RPRD2: variants seen among roughly 807,000 people sequenced by gnomAD.
The protein encoded by RPRD2 is regulation of nuclear pre-mRNA domain containing 2, also known as regulation of nuclear pre-mRNA domain-containing protein 2.
In RPRD2, 12 loss-of-function variants were observed where a neutral mutation model predicts 104.4. That is an observed-to-expected ratio of 0.11 (90% CI 0.07 to 0.19). RPRD2 has a LOEUF of 0.19. Among genes scored for constraint, RPRD2 ranks in the 10% least tolerant of loss-of-function variants. The pLI is 1.00. For synonymous variants in RPRD2, 714 were observed against 684.9 expected, an observed-to-expected ratio of 1.04 and a Z score of -0.66; for missense variants, 1,543 against 1,790.1, an observed-to-expected ratio of 0.86 and a Z score of 2.49.
chr1:150,429,151 G>A (rs587674036), intron 2 of RPRD2, among the ~76,000 whole-genome samples: 1 of 150,556 alleles, frequency 6.6e-6, no homozygotes, highest in South Asian at 2.1e-4. Flanking sequence ...GGAGTGCAGT[G>A]GTGCGATCTC....
chr1:150,376,792 G>T (rs886436774), intron 1 of RPRD2, among the ~76,000 whole-genome samples: 8 of 150,776 alleles, frequency 5.3e-5, no homozygotes, highest in Admixed American at 1.3e-4. Flanking sequence ...GAGCCACCGC[G>T]CCCGGCCGAT....
At chr1:150,402,686 G>C (rs587678512) in intron 1 of RPRD2, among the ~76,000 whole-genome samples, 1 of 152,140 alleles carries the variant, frequency 6.6e-6, no homozygotes, top group South Asian at 2.1e-4. Flanking sequence ...CCCCGTTTCA[G>C]CCGGGCGCGG....
chr1:150,431,729 T>C (rs112235324), intron 2 of RPRD2, among the ~76,000 whole-genome samples: 7,255 of 151,836 alleles, frequency 0.048, 437 homozygotes, highest in African/African-American at 0.13. Context: ...GACCCACCCA[T>C]GTCAGCCTCC....
chr1:150,384,022 A>G (rs1161045132), intron 1 of RPRD2, among the ~76,000 whole-genome samples: 1 of 152,222 alleles, frequency 6.6e-6, no homozygotes, highest in Admixed American at 6.5e-5. Context: ...GAACTACCAA[A>G]TTAAAGTTAA....
At chr1:150,434,807 A>C (rs1665884361) in intron 2 of RPRD2, among the ~76,000 whole-genome samples, 1 of 152,052 alleles carries the variant, frequency 6.6e-6, no homozygotes, top group Non-Finnish European at 1.5e-5. Context: ...ACAGAGTGAG[A>C]CCCTATCTCC....
chr1:150,415,538 T>A (rs1005803305), intron 1 of RPRD2, among the ~76,000 whole-genome samples: 26 of 151,016 alleles, frequency 1.7e-4, no homozygotes, highest in South Asian at 4.2e-4. Flanking sequence ...CAAAAAAAAA[T>A]TAGCCAGGCA....
At chr1:150,391,737 G>A (rs1662087387) in intron 1 of RPRD2, among the ~76,000 whole-genome samples, 1 of 152,046 alleles carries the variant, frequency 6.6e-6, no homozygotes, top group South Asian at 2.1e-4. Context: ...GCGAAACACT[G>A]TCTTTACTAA....
At position 150,457,454 on chromosome 1, in the gene RPRD2, C is replaced by T. The variant is rs782183493; in HGVS notation, c.1037C>T (p.Ser346Phe). ...SPFQGMGGEE[S>F]QSPTMESEKS... ...TTTCAGGGAATGGGAGGTGAGGAAT[C>T]CCAGTCACCAACCATGGAGAGTGAG... Residue 346 changes from serine (S) to phenylalanine (F), a missense_variant, in exon 8 of 11, where the codon TCC becomes TTC. Coordinates refer to ENST00000369068, the MANE Select transcript of RPRD2 (RefSeq NM_015203.5). 4 of 1,613,854 alleles carry T rather than the reference C, an allele frequency of 2.5e-6. No homozygotes were observed. The highest frequency in any genetic ancestry group is 3.4e-6 in the Non-Finnish European group (4 of 1,179,838).
At chr1:150,449,172 C>T (rs1444488978) in intron 7 of RPRD2, among the ~76,000 whole-genome samples, 2 of 152,124 alleles carry the variant, frequency 1.3e-5, no homozygotes, top group Admixed American at 6.6e-5. Context: ...CCTGCCCAAC[C>T]CCGAATTGGC....
intron 1 of RPRD2, among the ~76,000 whole-genome samples, chr1:150,403,869 G>C (rs868925150): frequency 2.6e-5 from 4 of 152,026 alleles, no homozygotes; most frequent in South Asian, 4.2e-4. Context: ...CTTGAACTCA[G>C]GTATTCCACC....
intron 6 of RPRD2, 118 bp downstream of exon 6, chr1:150,444,495 C>T (rs1327023791): frequency 3.2e-6 from 3 of 930,286 alleles, no homozygotes; most frequent in Admixed American, 3.0e-5. Flanking sequence ...GTTGTGGCAC[C>T]TCTGGTTTCC....
At chr1:150,412,327 C>G (rs1664003290) in intron 1 of RPRD2, among the ~76,000 whole-genome samples, 1 of 152,064 alleles carries the variant, frequency 6.6e-6, no homozygotes, top group Non-Finnish European at 1.5e-5. Context: ...CCAAAGTGCT[C>G]TGACTAGAGT....
chr1:150,428,186 G>A (rs942956917), intron 2 of RPRD2, among the ~76,000 whole-genome samples: 5 of 151,728 alleles, frequency 3.3e-5, no homozygotes, highest in African/African-American at 1.2e-4. Flanking sequence ...TATCCTCGCC[G>A]GGCGTGGTGG....
chr1:150,378,781 G>A (rs587727794), intron 1 of RPRD2, among the ~76,000 whole-genome samples: 1 of 151,944 alleles, frequency 6.6e-6, no homozygotes, highest in South Asian at 2.1e-4. Context: ...TCAGGAGTTC[G>A]AGACCAGCCT....
intron 5 of RPRD2, 72 bp downstream of exon 5, chr1:150,443,355 C>A: frequency 9.3e-7 from 1 of 1,075,716 alleles, no homozygotes; most frequent in Admixed American, 2.2e-5. Context: ...CCTGTATAGT[C>A]CAATAAGATT....
chr1:150,374,619 A>C (rs587627049), intron 1 of RPRD2, among the ~76,000 whole-genome samples: 1 of 152,316 alleles, frequency 6.6e-6, no homozygotes, highest in African/African-American at 2.4e-5. Context: ...GAGGGCACCT[A>C]GCTGGTGTTC....
intron 1 of RPRD2, among the ~76,000 whole-genome samples, chr1:150,384,682 T>TGTG (rs200494207): frequency 8.0e-6 from 1 of 125,228 alleles, no homozygotes; most frequent in African/African-American, 3.2e-5. Context: ...TGTGTGTGTG[T>TGTG]TTTTAGTAGA....
In RPRD2 at chr1:150,427,002, G is replaced by A. The variant is rs587689679; in HGVS notation, c.335+9277G>A. 1.2e-4 allele frequency among the ~76,000 whole-genome samples: 18 copies of A among 151,890 alleles called. No individual in the cohort carries two copies. The East Asian group carries it at 1.4e-3, about 11-fold the overall frequency. On this transcript the variant is annotated intron_variant, in intron 2 of 10. Transcript: ENST00000369068. ...TCTACTAAAAATACAAAAATTAGCCGGGCATGGTGGCATGCGCCTGTAGTT... is the reference window on the plus strand; with the variant it reads ...TCTACTAAAAATACAAAAATTAGCCAGGCATGGTGGCATGCGCCTGTAGTT...
At chr1:150,450,758 C>G (rs1667112453) in intron 7 of RPRD2, among the ~76,000 whole-genome samples, 1 of 151,670 alleles carries the variant, frequency 6.6e-6, no homozygotes, top group South Asian at 2.1e-4. Context: ...ATAGGTGGAA[C>G]TACAGGCGCC....
Sources: gnomAD v4.1 joint callset for allele counts (sites outside exome capture counted in the v4.1 genomes callset) on GRCh38, gnomAD v4.1.1 for gene constraint, MANE v1.5 for transcripts, NCBI Gene and HGNC (gene_info 2026-07-23, HGNC 2026-07-21) for gene names.